Variants in IRAG2 observed in about 807,000 individuals in gnomAD.
IRAG2 encodes the protein lymphoid restricted membrane protein.
A neutral mutation model predicts 69.9 loss-of-function variants in IRAG2; 45 were observed. That is an observed-to-expected ratio of 0.64 (90% CI 0.51 to 0.83). The LOEUF (loss-of-function observed/expected upper bound fraction) is 0.83, where lower values mean the gene tolerates loss of function less well. Among genes scored for constraint, IRAG2 ranks in the 40% least tolerant of loss-of-function variants. The pLI, the probability that IRAG2 is intolerant of heterozygous loss-of-function variation, is 0.00. For synonymous variants in IRAG2, 193 were observed against 202.4 expected, an observed-to-expected ratio of 0.95 and a Z score of 0.40; for missense variants, 520 against 587.0, an observed-to-expected ratio of 0.89 and a Z score of 1.18.
At chr12:25,095,044 T>C (rs1021992074) in intron 14 of IRAG2, among the ~76,000 whole-genome samples, 4 of 152,144 alleles carry the variant, frequency 2.6e-5, no homozygotes, top group Non-Finnish European at 5.9e-5. Flanking sequence ...TCTTCCTTTC[T>C]GATTTGGATA....
At chr12:25,004,724 A>G (rs1007203658) in exon 1 of IRAG2, 7 of 1,232,054 alleles carry the variant, frequency 5.7e-6, no homozygotes, top group Non-Finnish European at 7.1e-6. Flanking sequence ...TCACAGAGCA[A>G]CAAGAATTAT....
intron 14 of IRAG2, 187 bp from the exon 15 acceptor site, chr12:25,096,723 C>A: frequency 2.3e-6 from 1 of 439,948 alleles, no homozygotes. Context: ...CTGCGTATAT[C>A]TACCCAGTAC....
At position 25,101,174 on chromosome 12, in the gene IRAG2, C is replaced by G; in HGVS notation, c.742-4C>G. 6.3e-7 allele frequency: 1 copy of G among 1,587,406 alleles called. No homozygotes were observed. ...GTAAATGTGCTCGTTTTTTCTCTTGCTAGGAAAGCCGGGTTAGTAAAGCAG... is the reference window on the plus strand; with the variant it reads ...GTAAATGTGCTCGTTTTTTCTCTTGGTAGGAAAGCCGGGTTAGTAAAGCAG... On this transcript the variant is annotated splice_region_variant and splice_polypyrimidine_tract_variant and intron_variant, in intron 15 of 21. Coordinates refer to ENST00000556887, the MANE Select transcript of IRAG2 (RefSeq NM_001366544.2).
At chr12:24,998,637 T>G in the IRAG2 span, among the ~76,000 whole-genome samples, 1 of 152,164 alleles carries the variant, frequency 6.6e-6, no homozygotes, top group East Asian at 1.9e-4. Flanking sequence ...TAATCATTAG[T>G]GAAGGGTTGT....
intron 10 of IRAG2, among the ~76,000 whole-genome samples, chr12:25,087,153 CTTTTTTTTT>C (rs780510333): frequency 7.8e-5 from 6 of 76,672 alleles, no homozygotes; most frequent in South Asian, 6.1e-4. Flanking sequence ...ACTCTCCTTC[CTTTTTTTTT>C]TTTTTTTTTT....
rs940282804 is a variant in IRAG2, at chr12:25,070,025, C to T, written c.24+594C>T. On this transcript the variant is annotated intron_variant, in intron 6 of 21. Coordinates refer to ENST00000556887, the MANE Select transcript of IRAG2 (RefSeq NM_001366544.2). ...CTTCCACAGTCTGCACCCTGAGCCT[C>T]GTGATCTTCTCAATCAAACAGAGCA... Among the ~76,000 whole-genome samples the T allele has an allele frequency of 3.9e-5, 6 of 152,174 alleles. No homozygotes were observed. In the East Asian group the frequency reaches 9.6e-4, roughly 24 times the overall value.
intron 1 of IRAG2, among the ~76,000 whole-genome samples, chr12:25,060,518 T>C (rs1945550781): frequency 6.6e-6 from 1 of 152,060 alleles, no homozygotes; most frequent in South Asian, 2.1e-4. Flanking sequence ...TTTTCAATCG[T>C]CTGCACATCA....
chr12:25,079,354 T>C (rs369497462), intron 7 of IRAG2, 44 bp from the exon 8 acceptor site: 368 of 1,610,230 alleles, frequency 2.3e-4, no homozygotes, highest in Non-Finnish European at 4.8e-5. Context: ...AAGAGAATTA[T>C]TTGGACCTGA....
intron 15 of IRAG2, chr12:25,097,428 T>G (rs989919240): frequency 1.3e-5 from 2 of 154,286 alleles, no homozygotes; most frequent in Non-Finnish European, 2.9e-5. Flanking sequence ...ACTGGTTGAG[T>G]AGATATAAAT....
chr12:25,023,080 C>T (rs1026887611), intron 7 of IRAG2, among the ~76,000 whole-genome samples: 4 of 147,358 alleles, frequency 2.7e-5, no homozygotes, highest in South Asian at 2.1e-4. Flanking sequence ...GAACCGAGAT[C>T]GCACTATTGT....
At chr12:25,030,752 T>G (rs1199610815) in intron 10 of IRAG2, among the ~76,000 whole-genome samples, 1 of 152,262 alleles carries the variant, frequency 6.6e-6, no homozygotes, top group Non-Finnish European at 1.5e-5. Context: ...AAAATAAGTT[T>G]GAACATATCT....
At chr12:25,101,411 A>G in intron 16 of IRAG2, 86 bp downstream of exon 16, 1 of 898,130 alleles carries the variant, frequency 1.1e-6, no homozygotes. Flanking sequence ...CTTCAGTATA[A>G]TAAAACTCTT....
At position 25,088,196 on chromosome 12, in the gene IRAG2, T is replaced by C. The variant is rs1592060941; in HGVS notation, c.373+39T>C. 3.3e-6 allele frequency: 5 copies of C among 1,515,070 alleles called. No homozygotes were observed. In the Admixed American group the frequency reaches 8.4e-5, roughly 25 times the overall value. The allele number at this position is 1,515,070 out of a possible 1,614,324, so 93.9% of individuals were successfully genotyped here. On this transcript the variant is annotated intron_variant, in intron 11 of 21. Transcript: ENST00000556887. Reference sequence around the variant, plus strand: ...CTTTCAATCCCCATGTGAACTTTTGTTCTCTGCTGATATTTTTGTGGGTGA... The same window carrying C: ...CTTTCAATCCCCATGTGAACTTTTGCTCTCTGCTGATATTTTTGTGGGTGA...
chr12:25,071,281 G>T (rs762896451), intron 6 of IRAG2, among the ~76,000 whole-genome samples: 1 of 152,110 alleles, frequency 6.6e-6, no homozygotes, highest in Non-Finnish European at 1.5e-5. Flanking sequence ...AGGAGGCAGA[G>T]GTTGCAGTGA....
chr12:25,092,720 T>G (rs1353490497), intron 14 of IRAG2: 1 of 155,134 alleles, frequency 6.4e-6, no homozygotes, highest in Non-Finnish European at 1.5e-5. Context: ...GATTTTCAGC[T>G]CCCAAAAGTG....
rs553366715 is a variant in IRAG2, at chr12:25,102,180, A to G, written c.890-18A>G. 1.8e-5 allele frequency: 29 copies of G among 1,609,550 alleles called. 1 individual carries two copies. The South Asian group carries it at 2.9e-4, about 16-fold the overall frequency. ...CATGTGTAATAGCTAAAATGTGTCAATGTGTTTTTCCTTTCAGATGACTGC... is the reference window on the plus strand; with the variant it reads ...CATGTGTAATAGCTAAAATGTGTCAGTGTGTTTTTCCTTTCAGATGACTGC... On this transcript the variant is annotated intron_variant, in intron 16 of 21. Coordinates refer to ENST00000556887, the MANE Select transcript of IRAG2 (RefSeq NM_001366544.2).
intron 10 of IRAG2, among the ~76,000 whole-genome samples, chr12:25,084,565 GTGTA>G (rs556280662): frequency 0.05 from 7,546 of 150,314 alleles, 237 homozygotes; most frequent in Middle Eastern, 0.092. Flanking sequence ...GTGTGTGTGT[GTGTA>G]TTATTGTTTT....
intron 16 of IRAG2, among the ~76,000 whole-genome samples, chr12:25,041,595 G>C (rs369411314): frequency 6.6e-6 from 1 of 151,418 alleles, no homozygotes; most frequent in Admixed American, 6.6e-5. Context: ...TCCACCTCCC[G>C]AGTTCAAGTG....
chr12:25,081,742 T>G (rs1947225494), intron 9 of IRAG2, among the ~76,000 whole-genome samples: 1 of 152,224 alleles, frequency 6.6e-6, no homozygotes, highest in Non-Finnish European at 1.5e-5. Context: ...TTTTGGCATA[T>G]CCATGTAATA....
Sources: gnomAD v4.1 joint callset for allele counts (sites outside exome capture counted in the v4.1 genomes callset) on GRCh38, gnomAD v4.1.1 for gene constraint, MANE v1.5 for transcripts, NCBI Gene and HGNC (gene_info 2026-07-23, HGNC 2026-07-21) for gene names.